The following MAGI1 variants were observed in gnomAD, a reference collection of about 807,000 sequenced individuals.
The protein encoded by MAGI1 is membrane-associated guanylate kinase, WW and PDZ domain-containing protein 1.
In MAGI1, 58 loss-of-function variants were observed where a neutral mutation model predicts 139.9. That is an observed-to-expected ratio of 0.41 (90% CI 0.34 to 0.52). The LOEUF (loss-of-function observed/expected upper bound fraction) is 0.52. Ranked by LOEUF, MAGI1 falls within the 20% of genes least tolerant of loss-of-function variation. The pLI, the probability that MAGI1 is intolerant of heterozygous loss-of-function variation, is 0.12. For synonymous variants in MAGI1, 812 were observed against 737.9 expected (o/e 1.10, Z -1.63); for missense variants, 1,874 against 1,901.6 (o/e 0.99, Z 0.27).
chr3:65,530,125 C>T (rs2078574278), intron 2 of MAGI1, among the ~76,000 whole-genome samples: 1 of 152,092 alleles, frequency 6.6e-6, no homozygotes, highest in African/African-American at 2.4e-5. Context: ...ACAAATACAG[C>T]AAGCACCTGT....
chr3:65,843,978 T>C (rs1037915908), intron 1 of MAGI1: 5 of 245,852 alleles, frequency 2.0e-5, no homozygotes, highest in Non-Finnish European at 3.2e-5. Context: ...CAAGAACACC[T>C]GTGGAACCAC....
chr3:65,933,683 C>A (rs2062911095), intron 1 of MAGI1, among the ~76,000 whole-genome samples: 2 of 151,960 alleles, frequency 1.3e-5, no homozygotes, highest in Non-Finnish European at 2.9e-5. Flanking sequence ...CTACAATTGG[C>A]TAGATTAGGA....
chr3:65,779,797 G>T (rs569981337), intron 1 of MAGI1, among the ~76,000 whole-genome samples: 1 of 152,170 alleles, frequency 6.6e-6, no homozygotes, highest in African/African-American at 2.4e-5. Flanking sequence ...GGAAAGTGAC[G>T]AGTATGCTGT....
At chr3:65,814,590 T>C (rs114755868) in intron 1 of MAGI1, among the ~76,000 whole-genome samples, 5,442 of 152,268 alleles carry the variant, frequency 0.036, 131 homozygotes, top group Middle Eastern at 0.051. Flanking sequence ...TTGTTTTGTT[T>C]TTCAGCTAAG....
intron 10 of MAGI1, among the ~76,000 whole-genome samples, chr3:65,436,248 AT>A (rs1947843328): frequency 6.6e-6 from 1 of 150,638 alleles, no homozygotes. Flanking sequence ...ATGTAACACA[AT>A]TAAATCTTTT....
intron 1 of MAGI1, among the ~76,000 whole-genome samples, chr3:65,798,190 G>A (rs1040298517): frequency 5.3e-5 from 8 of 151,974 alleles, no homozygotes; most frequent in African/African-American, 1.7e-4. Flanking sequence ...TGTAATCCCA[G>A]CTACTTGGGA....
intron 12 of MAGI1, among the ~76,000 whole-genome samples, chr3:65,415,929 C>T (rs1202633595): frequency 2.6e-5 from 4 of 152,038 alleles, no homozygotes; most frequent in Non-Finnish European, 4.4e-5. Context: ...TGCAGACAAA[C>T]TATATAAACA....
chr3:65,515,473 G>A (rs2077822701), intron 2 of MAGI1, among the ~76,000 whole-genome samples: 1 of 152,126 alleles, frequency 6.6e-6, no homozygotes, highest in African/African-American at 2.4e-5. Flanking sequence ...TAATGTCAAT[G>A]AATGACACTT....
chr3:65,585,350 A>G (rs1184322221), intron 2 of MAGI1, among the ~76,000 whole-genome samples: 2 of 152,242 alleles, frequency 1.3e-5, no homozygotes, highest in Admixed American at 1.3e-4. Context: ...TTAAATGTGG[A>G]TAAAGGATTT....
chr3:65,998,319 C>A (rs1215909744), intron 1 of MAGI1, among the ~76,000 whole-genome samples: 2 of 152,154 alleles, frequency 1.3e-5, no homozygotes, highest in African/African-American at 4.8e-5. Flanking sequence ...AACTTGCAGA[C>A]CCCTGAGTGT....
intron 1 of MAGI1, among the ~76,000 whole-genome samples, chr3:65,632,687 T>C (rs1230220870): frequency 6.6e-6 from 1 of 152,228 alleles, no homozygotes; most frequent in East Asian, 1.9e-4. Flanking sequence ...TGCTCAATTC[T>C]GCTTCTGTAG....
chr3:65,571,246 A>C (rs946967185), intron 2 of MAGI1, among the ~76,000 whole-genome samples: 5 of 152,146 alleles, frequency 3.3e-5, no homozygotes, highest in African/African-American at 1.2e-4. Context: ...CCTTTACTCA[A>C]CTGTATACAA....
At chr3:65,901,352 C>T (rs1051125994) in intron 1 of MAGI1, among the ~76,000 whole-genome samples, 1 of 152,126 alleles carries the variant, frequency 6.6e-6, no homozygotes, top group Non-Finnish European at 1.5e-5. Flanking sequence ...TGTTCATCCT[C>T]GGTGGAAGGG....
intron 1 of MAGI1, among the ~76,000 whole-genome samples, chr3:65,852,342 G>C (rs1191101992): frequency 1.3e-5 from 2 of 152,020 alleles, no homozygotes; most frequent in Admixed American, 1.3e-4. Flanking sequence ...GAGGAGGGTA[G>C]TGAGCAAACA....
chr3:65,892,935 G>A (rs553672586), intron 1 of MAGI1, among the ~76,000 whole-genome samples: 2 of 152,240 alleles, frequency 1.3e-5, no homozygotes, highest in East Asian at 3.9e-4. Flanking sequence ...AAACAGAAAT[G>A]TGAGCTCAGA....
chr3:65,722,282 C>G (rs1033080644), intron 1 of MAGI1, among the ~76,000 whole-genome samples: 1 of 152,026 alleles, frequency 6.6e-6, no homozygotes, highest in Admixed American at 6.6e-5. Flanking sequence ...AATTAAATGA[C>G]CTAGTGAATG....
intron 2 of MAGI1, among the ~76,000 whole-genome samples, chr3:65,607,799 T>C (rs2082825884): frequency 6.6e-6 from 1 of 152,184 alleles, no homozygotes; most frequent in Admixed American, 6.5e-5. Context: ...TTTGAACAAA[T>C]CAGGTGTTTC....
intron 1 of MAGI1, among the ~76,000 whole-genome samples, chr3:65,943,640 T>TGG (rs1560039570): frequency 6.9e-6 from 1 of 145,278 alleles, no homozygotes. Flanking sequence ...TGTGTGTGAT[T>TGG]GTGTGTGTGT....
chr3:65,371,003 A>G (rs1166684575), intron 18 of MAGI1, among the ~76,000 whole-genome samples: 1 of 152,230 alleles, frequency 6.6e-6, no homozygotes, highest in Non-Finnish European at 1.5e-5. Flanking sequence ...ACACTGCAGA[A>G]TAAGTCGCTT....
Sources: allele counts gnomAD v4.1 joint callset (sites outside exome capture counted in the v4.1 genomes callset), GRCh38; gene constraint gnomAD v4.1.1; transcripts MANE v1.5; gene names NCBI Gene and HGNC (gene_info 2026-07-23, HGNC 2026-07-21).